VTCN1: variants seen among roughly 807,000 people sequenced by gnomAD.
VTCN1 encodes V-set domain-containing T-cell activation inhibitor 1.
In VTCN1, 26 loss-of-function variants were observed where a neutral mutation model predicts 26.5. The observed-to-expected ratio is 0.98, with a 90% confidence interval of 0.72 to 1.36. The LOEUF (loss-of-function observed/expected upper bound fraction) is 1.36, where lower values mean the gene tolerates loss of function less well. Ranked by LOEUF, VTCN1 falls within the 40% of genes most tolerant of loss-of-function variation. VTCN1 has a pLI of 0.00. For missense variants in VTCN1, 298 were observed against 337.7 expected (o/e 0.88, Z 0.92); for synonymous variants, 116 against 130.7 (o/e 0.89, Z 0.77).
intron 2 of VTCN1, among the ~76,000 whole-genome samples, chr1:117,164,589 T>C (rs922915869): frequency 1.3e-5 from 2 of 152,120 alleles, no homozygotes; most frequent in South Asian, 4.1e-4. Flanking sequence ...CACACACAGG[T>C]GTGTGAGTGG....
At chr1:117,189,134 T>G (rs1393950008) in intron 1 of VTCN1, among the ~76,000 whole-genome samples, 2 of 152,158 alleles carry the variant, frequency 1.3e-5, no homozygotes, top group African/African-American at 4.8e-5. Context: ...AAAAAGACCC[T>G]CATTACCAAC....
chr1:117,173,357 C>T, intron 1 of VTCN1: 1 of 490,810 alleles, frequency 2.0e-6, no homozygotes, highest in South Asian at 2.2e-5. Flanking sequence ...GAAATTTGGA[C>T]ACAGATGAAC....
chr1:117,196,918 C>T (rs908035966), intron 1 of VTCN1, among the ~76,000 whole-genome samples: 18 of 152,252 alleles, frequency 1.2e-4, no homozygotes, highest in Admixed American at 5.2e-4. Flanking sequence ...CTAGAATTTT[C>T]GGATAAACAG....
chr1:117,172,120 A>T (rs1310687048), intron 1 of VTCN1, among the ~76,000 whole-genome samples: 4 of 152,154 alleles, frequency 2.6e-5, no homozygotes, highest in Admixed American at 2.0e-4. Context: ...ACCCACGCTG[A>T]TGTTACTCAA....
In VTCN1 at chr1:117,163,423, T is replaced by G. The variant is rs540638047; in HGVS notation, c.98-6502A>C. ...TAAAGTGCTAAATATTGTACCTGAA[T>G]TGCCACATGCTAAACCTTAAATCAG... On this transcript the variant is annotated intron_variant, in intron 2 of 5. Transcript: ENST00000369458. 2.6e-5 allele frequency among the ~76,000 whole-genome samples: 4 copies of G among 152,334 alleles called. No individual in the cohort carries two copies. The South Asian group carries it at 8.3e-4, about 32-fold the overall frequency.
intron 3 of VTCN1, among the ~76,000 whole-genome samples, chr1:117,154,732 G>A (rs1260801231): frequency 3.5e-5 from 5 of 142,684 alleles, no homozygotes; most frequent in East Asian, 4.2e-4. Flanking sequence ...GCTGTGAGCC[G>A]AGATCGTGCT....
chr1:117,205,142 T>TC, intron 1 of VTCN1, among the ~76,000 whole-genome samples: 1 of 38,086 alleles, frequency 2.6e-5, no homozygotes, highest in Non-Finnish European at 9.0e-5. Flanking sequence ...ATATATATAT[T>TC]TTTATATATA....
At chr1:117,151,689 C>T (rs1484898186) in intron 4 of VTCN1, among the ~76,000 whole-genome samples, 1 of 152,146 alleles carries the variant, frequency 6.6e-6, no homozygotes, top group African/African-American at 2.4e-5. Context: ...GAAAAGTTCT[C>T]CAAGTCCCCA....
chr1:117,205,266 C>T (rs1016146855), intron 1 of VTCN1, among the ~76,000 whole-genome samples: 1 of 151,754 alleles, frequency 6.6e-6, no homozygotes, highest in Non-Finnish European at 1.5e-5. Flanking sequence ...AAGCAATTCT[C>T]CCACCTCAGT....
At position 117,206,148 on chromosome 1, in the gene VTCN1, A is replaced by ATT. The variant is rs34913979; in HGVS notation, c.32+4674_32+4675dup. ...AGGTGTGGTGGACTTTATTATTATCATTTTTTTTTTTTTTGTAGAATAAGA... is the reference window on the plus strand; with the variant it reads ...AGGTGTGGTGGACTTTATTATTATCATTTTTTTTTTTTTTTTGTAGAATAAGA... On this transcript the variant is annotated intron_variant, in intron 1 of 5. Coordinates refer to ENST00000369458, the MANE Select transcript of VTCN1 (RefSeq NM_024626.4). Among the ~76,000 whole-genome samples the ATT allele has an allele frequency of 4.3e-3, 634 of 148,394 alleles. 5 individuals are homozygous for ATT. The highest frequency in any genetic ancestry group is 0.015 in the African/African-American group (609 of 40,492).
chr1:117,194,128 G>T (rs1343358121), intron 1 of VTCN1, among the ~76,000 whole-genome samples: 1 of 152,114 alleles, frequency 6.6e-6, no homozygotes, highest in Non-Finnish European at 1.5e-5. Context: ...ATCTGATAAG[G>T]AGTTAATGTC....
In VTCN1 at chr1:117,167,165, A is replaced by C. The variant is rs991081961; in HGVS notation, c.97+2942T>G. Among the ~76,000 whole-genome samples, 1 of 152,060 alleles carries C rather than the reference A, an allele frequency of 6.6e-6. No homozygotes were observed. Among genetic ancestry groups the C allele is most frequent in the Non-Finnish European group, 1.5e-5 (1 of 68,008 alleles). On this transcript the variant is annotated intron_variant, in intron 2 of 5. Transcript: ENST00000369458. The surrounding 1 kb of genome is among the most constrained non-coding windows in gnomAD (Gnocchi z 4.1). Reference sequence around the variant, plus strand: ...ACATACATGACATTATATGCATTTTATGTTTTTATATATACATTTACAAAT... The same window carrying C: ...ACATACATGACATTATATGCATTTTCTGTTTTTATATATACATTTACAAAT...
At chr1:117,188,418 CT>C (rs1288292324) in intron 1 of VTCN1, among the ~76,000 whole-genome samples, 2 of 152,134 alleles carry the variant, frequency 1.3e-5, no homozygotes, top group Non-Finnish European at 2.9e-5. Context: ...GTGAAGTAGA[CT>C]TTTGGGGAAT....
chr1:117,210,227 G>A (rs1490357603), intron 1 of VTCN1, among the ~76,000 whole-genome samples: 1 of 152,084 alleles, frequency 6.6e-6, no homozygotes, highest in Non-Finnish European at 1.5e-5. Context: ...AGCAGCAGCA[G>A]CAGCAGCAGC....
chr1:117,160,453 C>T (rs1352528492), intron 2 of VTCN1, among the ~76,000 whole-genome samples: 1 of 152,226 alleles, frequency 6.6e-6, no homozygotes, highest in African/African-American at 2.4e-5. Flanking sequence ...GACCTTCTTA[C>T]AGTACAATTT....
chr1:117,194,051 C>T lies in VTCN1; in HGVS notation c.32+16773G>A, dbSNP rs182790110. 1.3e-4 allele frequency among the ~76,000 whole-genome samples: 20 copies of T among 151,930 alleles called. No homozygotes were observed. In the East Asian group the frequency reaches 2.9e-3, roughly 22 times the overall value. ...TTCAAACTAGAAATCTTCTGCACAG[C>T]GAAGAAAACAATCAACAAAATGAAC... On this transcript the variant is annotated intron_variant, in intron 1 of 5. Coordinates refer to ENST00000369458, the MANE Select transcript of VTCN1 (RefSeq NM_024626.4).
At position 117,167,851 on chromosome 1, in the gene VTCN1, G is replaced by A. The variant is rs1015260066; in HGVS notation, c.97+2256C>T. 6.6e-6 allele frequency among the ~76,000 whole-genome samples: 1 copy of A among 152,084 alleles called. No individual in the cohort carries two copies. The highest frequency in any genetic ancestry group is 2.4e-5 in the African/African-American group (1 of 41,424). On this transcript the variant is annotated intron_variant, in intron 2 of 5. Coordinates refer to ENST00000369458, the MANE Select transcript of VTCN1 (RefSeq NM_024626.4). The surrounding 1 kb of genome is among the most constrained non-coding windows in gnomAD (Gnocchi z 4.1). Reference sequence around the variant, plus strand: ...ATTAGTAAAATAGGAATACAGATCAGAGAAAATATAAATAAGCTAAAAGCT... The same window carrying A: ...ATTAGTAAAATAGGAATACAGATCAAAGAAAATATAAATAAGCTAAAAGCT...
At chr1:117,174,044 C>T (rs1279203995) in intron 1 of VTCN1, among the ~76,000 whole-genome samples, 1 of 101,890 alleles carries the variant, frequency 9.8e-6, no homozygotes, top group East Asian at 8.2e-4. Context: ...ACCAGAGCAG[C>T]TAAATTAATT....
chr1:117,161,605 A>AATAATG lies in VTCN1; in HGVS notation c.98-4690_98-4685dup, dbSNP rs1184274837. ...CTAGAGCTATGTTTCTGCAGAGAAA[A>AATAATG]ATAATGTTTGCTGAGTTTATGAATA... On this transcript the variant is annotated intron_variant, in intron 2 of 5. Coordinates refer to ENST00000369458, the MANE Select transcript of VTCN1 (RefSeq NM_024626.4). This position sits in a 1 kb window ranked among gnomAD's most constrained non-coding sequence, Gnocchi z 4.3. Among the ~76,000 whole-genome samples, 4 of 152,202 alleles carry AATAATG rather than the reference A, an allele frequency of 2.6e-5. No homozygotes were observed. The highest frequency in any genetic ancestry group is 1.3e-4 in the Admixed American group (2 of 15,274).
Sources: gnomAD v4.1 joint callset for allele counts (sites outside exome capture counted in the v4.1 genomes callset) on GRCh38, gnomAD v4.1.1 for gene constraint, Gnocchi (gnomAD v3.1) non-coding constraint, MANE v1.5 for transcripts, NCBI Gene and HGNC (gene_info 2026-07-23, HGNC 2026-07-21) for gene names.